The following HIVEP3 variants were observed in gnomAD, a reference collection of about 807,000 sequenced individuals.
HIVEP3 encodes the protein HIVEP zinc finger 3, also known as transcription factor HIVEP3.
In HIVEP3, 49 loss-of-function variants were observed where a neutral mutation model predicts 152.8. The ratio of observed to expected loss-of-function variants is 0.32; its 90% CI spans 0.26 to 0.41. The LOEUF is 0.41. Among genes scored for constraint, HIVEP3 ranks in the 10% least tolerant of loss-of-function variants. HIVEP3 has a pLI of 1.00. For synonymous variants in HIVEP3, 1,269 were observed against 1,289.0 expected (o/e 0.98, Z 0.33); for missense variants, 2,790 against 3,103.3 (o/e 0.90, Z 2.40).
At chr1:41,748,774 T>G (rs1647110798) in intron 1 of HIVEP3, among the ~76,000 whole-genome samples, 1 of 152,232 alleles carries the variant, frequency 6.6e-6, no homozygotes, top group African/African-American at 2.4e-5. Context: ...TTGGTCAGAA[T>G]GCCACAGACC....
chr1:41,595,197 C>G (rs1292427552), intron 3 of HIVEP3, among the ~76,000 whole-genome samples: 5 of 152,218 alleles, frequency 3.3e-5, no homozygotes, highest in Non-Finnish European at 7.3e-5. Context: ...TCCTAATCAC[C>G]TTGCTTCCAG....
intron 1 of HIVEP3, among the ~76,000 whole-genome samples, chr1:41,714,315 G>A (rs566037786): frequency 3.3e-5 from 5 of 152,232 alleles, no homozygotes; most frequent in East Asian, 3.9e-4. Context: ...AGTGGAGGAC[G>A]GGAAGAAGAC....
intron 3 of HIVEP3, among the ~76,000 whole-genome samples, chr1:41,589,309 C>A (rs985807815): frequency 6.6e-6 from 1 of 152,208 alleles, no homozygotes; most frequent in Admixed American, 6.5e-5. Flanking sequence ...CAGCTTATAA[C>A]CCTGAGGGGA....
intron 1 of HIVEP3, among the ~76,000 whole-genome samples, chr1:41,750,864 A>G (rs528297011): frequency 6.6e-6 from 1 of 152,136 alleles, no homozygotes; most frequent in East Asian, 1.9e-4. Context: ...ACAGGTATGC[A>G]CCACCACGCC....
chr1:41,851,571 G>C (rs577226104), intron 1 of HIVEP3, among the ~76,000 whole-genome samples: 2 of 152,122 alleles, frequency 1.3e-5, no homozygotes, highest in Middle Eastern at 3.4e-3. Context: ...AAAGTGCTGG[G>C]ATTACAGGCG....
In HIVEP3 at chr1:41,564,275, C is replaced by A. The variant is rs146211580; in HGVS notation, c.5207+11269G>T. ...GGAGGGACGTACTCAGAGAATCCAG[C>A]AAAAAGGCAAAGCAATGGAAAATGT... On this transcript the variant is annotated intron_variant, in intron 5 of 8. Coordinates refer to ENST00000372583, the MANE Select transcript of HIVEP3 (RefSeq NM_024503.5). Among the ~76,000 whole-genome samples, 293 of 151,928 alleles carry A rather than the reference C, an allele frequency of 1.9e-3. 1 individual carries two copies. Among genetic ancestry groups the A allele is most frequent in the African/African-American group, 6.6e-3 (275 of 41,410 alleles).
At chr1:41,771,784 T>C (rs1473384254) in intron 1 of HIVEP3, among the ~76,000 whole-genome samples, 2 of 152,074 alleles carry the variant, frequency 1.3e-5, no homozygotes, top group Non-Finnish European at 2.9e-5. Context: ...TTCTCCTCAG[T>C]CTCCCAAGTA....
chr1:41,845,893 C>A (rs923172932), intron 1 of HIVEP3, among the ~76,000 whole-genome samples: 6 of 151,996 alleles, frequency 3.9e-5, no homozygotes, highest in African/African-American at 7.3e-5. Flanking sequence ...ATGGTGAAAC[C>A]CCATCTCTAT....
intron 2 of HIVEP3, among the ~76,000 whole-genome samples, chr1:41,638,807 C>A (rs930076713): frequency 6.6e-6 from 1 of 152,232 alleles, no homozygotes; most frequent in African/African-American, 2.4e-5. Flanking sequence ...CGCATCCGGT[C>A]TGGGCACTGG....
intron 1 of HIVEP3, among the ~76,000 whole-genome samples, chr1:41,816,294 T>C (rs577002170): frequency 5.2e-4 from 79 of 152,324 alleles, no homozygotes; most frequent in Non-Finnish European, 9.0e-4. Context: ...AAGGCAGCCA[T>C]GGAGTAGGCC....
chr1:42,030,533 GA>G (rs891752274), intron 1 of HIVEP3, among the ~76,000 whole-genome samples: 2 of 152,212 alleles, frequency 1.3e-5, no homozygotes, highest in African/African-American at 4.8e-5. Flanking sequence ...TAAAAAGAAA[GA>G]AGTGTGTCTC....
intron 2 of HIVEP3, among the ~76,000 whole-genome samples, chr1:41,644,673 AGCACACTT>A (rs1645430681): frequency 6.7e-6 from 1 of 149,070 alleles, no homozygotes; most frequent in South Asian, 2.1e-4. Context: ...AGGGATTTAA[AGCACACTT>A]GCATATCTGT....
At chr1:41,967,013 T>C (rs1645202732) in intron 1 of HIVEP3, among the ~76,000 whole-genome samples, 1 of 152,104 alleles carries the variant, frequency 6.6e-6, no homozygotes, top group Non-Finnish European at 1.5e-5. Flanking sequence ...ATCCTAAATA[T>C]ATATGCACCT....
At chr1:41,678,302 A>C (rs1158612560) in intron 2 of HIVEP3, among the ~76,000 whole-genome samples, 1 of 152,074 alleles carries the variant, frequency 6.6e-6, no homozygotes, top group East Asian at 1.9e-4. Context: ...TGATTGCGAC[A>C]ATGCATTAGG....
chr1:41,745,558 A>G (rs1647059078), intron 1 of HIVEP3, among the ~76,000 whole-genome samples: 1 of 152,234 alleles, frequency 6.6e-6, no homozygotes, highest in African/African-American at 2.4e-5. Flanking sequence ...GGGCATCCAC[A>G]GTCGAGAGCA....
intron 1 of HIVEP3, among the ~76,000 whole-genome samples, chr1:41,774,766 C>CTTTTA (rs1288487580): frequency 6.7e-5 from 9 of 134,266 alleles, no homozygotes; most frequent in Non-Finnish European, 1.1e-4. Flanking sequence ...TCACAAGCAT[C>CTTTTA]TTTTATTTTA....
chr1:42,006,996 A>G (rs763064186), intron 1 of HIVEP3, among the ~76,000 whole-genome samples: 19 of 152,220 alleles, frequency 1.2e-4, no homozygotes, highest in Non-Finnish European at 2.5e-4. Flanking sequence ...ACTTAGGCTA[A>G]CTTCTGATGA....
chr1:41,714,791 C>T (rs184550004), intron 1 of HIVEP3, among the ~76,000 whole-genome samples: 36 of 152,302 alleles, frequency 2.4e-4, no homozygotes, highest in Admixed American at 6.5e-4. Context: ...TGTTCAGTTG[C>T]TATGGTAACA....
intron 1 of HIVEP3, among the ~76,000 whole-genome samples, chr1:41,901,598 CAG>C (rs1211355108): frequency 2.0e-5 from 3 of 152,094 alleles, no homozygotes; most frequent in Non-Finnish European, 2.9e-5. Flanking sequence ...AAACAAGATG[CAG>C]AGTTTTAAAC....
Sources: gnomAD v4.1 joint callset for allele counts (sites outside exome capture counted in the v4.1 genomes callset) on GRCh38, gnomAD v4.1.1 for gene constraint, MANE v1.5 for transcripts, NCBI Gene and HGNC (gene_info 2026-07-23, HGNC 2026-07-21) for gene names.